Variants in ARMC2 observed in about 807,000 individuals in gnomAD.
ARMC2 encodes armadillo repeat-containing protein 2.
Under a neutral mutation model 90.3 loss-of-function variants are expected in ARMC2, and 67 were observed. That is an observed-to-expected ratio of 0.74 (90% confidence interval 0.61 to 0.91). The LOEUF is 0.91. Among genes scored for constraint, ARMC2 ranks in the 40% least tolerant of loss-of-function variants. ARMC2 has a pLI of 0.00. For missense variants in ARMC2, 920 were observed against 1,030.9 expected (o/e 0.89, Z 1.47); for synonymous variants, 393 against 393.0 (o/e 1.00, Z 0.00).
Position 108,907,675 on chromosome 6 carries a change from G to A in ARMC2, c.1024-3224G>A, listed in dbSNP as rs914796555. 8 of 1,604,976 alleles carry A rather than the reference G, an allele frequency of 5.0e-6. No individual in the cohort carries two copies. In the East Asian group the frequency reaches 8.9e-5, roughly 18 times the overall value. On this transcript the variant is annotated intron_variant, in intron 8 of 17. Coordinates refer to ENST00000392644, the MANE Select transcript of ARMC2 (RefSeq NM_032131.6). ...AGGAAAAGGAGTAGCTGAAGAGCACGTAGCATGCCAGCACCATGGTAACCC... is the reference window on the plus strand; with the variant it reads ...AGGAAAAGGAGTAGCTGAAGAGCACATAGCATGCCAGCACCATGGTAACCC...
At chr6:109,033,012 A>G in the ARMC2 span, among the ~76,000 whole-genome samples, 4 of 152,190 alleles carry the variant, frequency 2.6e-5, no homozygotes, top group East Asian at 3.9e-4. Context: ...TTATAATCCA[A>G]TTTAAGAAAA....
chr6:108,861,048 T>G (rs1045949352), intron 3 of ARMC2, among the ~76,000 whole-genome samples: 2 of 152,224 alleles, frequency 1.3e-5, no homozygotes, highest in South Asian at 2.1e-4. Flanking sequence ...TTTTACCTTC[T>G]TTAGAGAATA....
intron 3 of ARMC2, among the ~76,000 whole-genome samples, chr6:108,866,374 A>G (rs959447246): frequency 6.6e-6 from 1 of 152,244 alleles, no homozygotes; most frequent in Admixed American, 6.5e-5. Context: ...TTAAACAAAT[A>G]TAGTGCAACT....
chr6:108,964,086 A>G, intron 15 of ARMC2, 94 bp from the exon 16 acceptor site: 2 of 1,414,380 alleles, frequency 1.4e-6, no homozygotes, highest in Non-Finnish European at 1.9e-6. Flanking sequence ...TGGGTTTGCA[A>G]GCCACTCCCC....
chr6:109,022,046 G>A, the ARMC2 span, among the ~76,000 whole-genome samples: 1 of 149,726 alleles, frequency 6.7e-6, no homozygotes, highest in African/African-American at 2.4e-5. Context: ...CTATGTGCCA[G>A]GCATTTTTTT....
the ARMC2 span, among the ~76,000 whole-genome samples, chr6:109,040,033 C>T: frequency 2.0e-5 from 3 of 152,166 alleles, no homozygotes; most frequent in African/African-American, 7.2e-5. Flanking sequence ...CACTTAGGAA[C>T]CACGACTGGG....
intron 3 of ARMC2, among the ~76,000 whole-genome samples, chr6:108,864,071 G>A (rs527734849): frequency 1.3e-5 from 2 of 152,276 alleles, no homozygotes; most frequent in South Asian, 2.1e-4. Context: ...GTAGAGTAGA[G>A]CCAAAGCAGT....
At chr6:108,936,799 G>T (rs1775992883) in intron 11 of ARMC2, 101 bp from the exon 12 acceptor site, 3 of 944,878 alleles carry the variant, frequency 3.2e-6, no homozygotes, top group Admixed American at 2.3e-5. Flanking sequence ...TCTTGAACTG[G>T]GCAATGTTTT....
chr6:109,027,175 C>A, the ARMC2 span, among the ~76,000 whole-genome samples: 2 of 151,286 alleles, frequency 1.3e-5, no homozygotes, highest in African/African-American at 4.9e-5. Flanking sequence ...GTCTAAAAAA[C>A]AATAAAATAC....
the ARMC2 span, among the ~76,000 whole-genome samples, chr6:109,045,889 T>A: frequency 1.3e-5 from 2 of 152,174 alleles, no homozygotes; most frequent in Non-Finnish European, 2.9e-5. Flanking sequence ...CTGAAATAAA[T>A]AAATGTGAGG....
intron 5 of ARMC2, among the ~76,000 whole-genome samples, chr6:108,886,937 G>T (rs1770422822): frequency 6.7e-6 from 1 of 149,826 alleles, no homozygotes; most frequent in Admixed American, 6.7e-5. Flanking sequence ...GCCTCACTCT[G>T]TTGCCCAGGC....
At chr6:108,961,886 A>C in intron 14 of ARMC2, 128 bp from the exon 15 acceptor site, 1 of 973,628 alleles carries the variant, frequency 1.0e-6, no homozygotes, top group South Asian at 1.8e-5. Context: ...GTTCTTGCTA[A>C]AGTCCCTTAC....
At chr6:109,049,531 T>C in the ARMC2 span, among the ~76,000 whole-genome samples, 9 of 152,118 alleles carry the variant, frequency 5.9e-5, no homozygotes, top group East Asian at 1.7e-3. Context: ...AGAGAGGAAA[T>C]TGAATGTTTT....
intron 8 of ARMC2, among the ~76,000 whole-genome samples, chr6:108,910,477 G>A (rs1052419431): frequency 1.3e-5 from 2 of 152,108 alleles, no homozygotes; most frequent in Non-Finnish European, 2.9e-5. Context: ...AGAAAAGAGA[G>A]AGAGAGACTT....
rs78820974 is a variant in ARMC2, at chr6:108,861,604, C to T, written c.291+3333C>T. 4.1e-3 allele frequency among the ~76,000 whole-genome samples: 620 copies of T among 152,278 alleles called. 2 individuals are homozygous for T. Among genetic ancestry groups the T allele is most frequent in the African/African-American group, 0.014 (581 of 41,542 alleles). The stretch of plus-strand genomic sequence containing the variant: ...GTTCATGTATTGCAGATGACAAAAA[C>T]AAGATCCCAAGATAGCAAGCACGAA... On this transcript the variant is annotated intron_variant, in intron 3 of 17. Transcript: ENST00000392644.
the ARMC2 span, among the ~76,000 whole-genome samples, chr6:108,981,962 C>T: frequency 2.0e-5 from 3 of 152,072 alleles, no homozygotes; most frequent in Non-Finnish European, 4.4e-5. Flanking sequence ...CCACCTGTGC[C>T]CTGCTGATTT....
chr6:108,890,015 C>T (rs1418031924), intron 5 of ARMC2, among the ~76,000 whole-genome samples: 4 of 148,816 alleles, frequency 2.7e-5, no homozygotes, highest in East Asian at 4.0e-4. Flanking sequence ...GGTGAAACCC[C>T]GTCTCTACTA....
At chr6:108,926,080 A>G (rs993263048) in intron 10 of ARMC2, among the ~76,000 whole-genome samples, 9 of 152,174 alleles carry the variant, frequency 5.9e-5, no homozygotes, top group Admixed American at 2.6e-4. Flanking sequence ...TCTGCTGGCA[A>G]TGTCCCTTGC....
chr6:108,962,753 C>G (rs1433040284), intron 15 of ARMC2, among the ~76,000 whole-genome samples: 2 of 152,194 alleles, frequency 1.3e-5, no homozygotes, highest in Non-Finnish European at 2.9e-5. Flanking sequence ...GCCTGTAATA[C>G]CAGCACTTTG....
Sources: gnomAD v4.1 joint callset for allele counts (sites outside exome capture counted in the v4.1 genomes callset) on GRCh38, gnomAD v4.1.1 for gene constraint, MANE v1.5 for transcripts, NCBI Gene and HGNC (gene_info 2026-07-23, HGNC 2026-07-21) for gene names.